Variants in DNAH12 observed in about 807,000 individuals in gnomAD.
The protein encoded by DNAH12 is axonemal beta dynein heavy chain 12.
DNAH12 carries 285 observed loss-of-function variants against 371.5 expected under a neutral mutation model. That is an observed-to-expected ratio of 0.77 (90% CI 0.70 to 0.85). The LOEUF (loss-of-function observed/expected upper bound fraction) is 0.85. DNAH12 is among the 40% of genes least tolerant of loss of function. DNAH12 has a pLI of 0.00. For synonymous variants in DNAH12, 1,200 were observed against 1,213.0 expected (o/e 0.99, Z 0.22); for missense variants, 3,611 against 3,689.4 (o/e 0.98, Z 0.55).
chr3:57,474,357 T>C (rs62258432), intron 13 of DNAH12, among the ~76,000 whole-genome samples: 101,611 of 151,970 alleles, frequency 0.67, 34,217 homozygotes, highest in South Asian at 0.75. Flanking sequence ...AGTGCAATGG[T>C]GCAATTTCGG....
At chr3:57,383,223 T>C (rs1395540780) in intron 49 of DNAH12, among the ~76,000 whole-genome samples, 1 of 152,184 alleles carries the variant, frequency 6.6e-6, no homozygotes, top group Non-Finnish European at 1.5e-5. Context: ...GTAATCCATT[T>C]ATAAAATTCC....
intron 40 of DNAH12, 118 bp downstream of exon 40, chr3:57,408,162 C>G: frequency 1.7e-6 from 2 of 1,186,140 alleles, no homozygotes; most frequent in Non-Finnish European, 2.2e-6. Context: ...ATTCTCTGGT[C>G]TTCTAAACAG....
rs782264460 is a variant in DNAH12, at chr3:57,408,600, T to C, written c.6021-65A>G. The C allele has an allele frequency of 3.1e-4, 427 of 1,389,416 alleles. 1 individual carries two copies. The highest frequency in any genetic ancestry group is 3.5e-4 in the Non-Finnish European group (369 of 1,065,342). The allele number at this position is 1,389,416 out of a possible 1,614,324, so 86.1% of individuals were successfully genotyped here. A position where few individuals can be genotyped will look rare whatever the true frequency, so the allele number is the denominator to read the frequency against. On this transcript the variant is annotated intron_variant, in intron 39 of 73. Transcript: ENST00000495027. Reference sequence around the variant, plus strand: ...AAAGACATTAAGATGGGATGAAATATAGATCTCCCAAGAAATTTAATCAGA... The same window carrying C: ...AAAGACATTAAGATGGGATGAAATACAGATCTCCCAAGAAATTTAATCAGA...
At chr3:57,413,513 A>T (rs2064269930) in intron 39 of DNAH12, among the ~76,000 whole-genome samples, 1 of 152,092 alleles carries the variant, frequency 6.6e-6, no homozygotes. Flanking sequence ...GGATGTTGAG[A>T]TTGAGGAGGC....
At position 57,458,099 on chromosome 3, in the gene DNAH12, C is replaced by G. The variant is rs1184140918; in HGVS notation, c.3053G>C (p.Arg1018Pro). The G allele has an allele frequency of 6.5e-7, 1 of 1,543,748 alleles. No homozygotes were observed. Among genetic ancestry groups the G allele is most frequent in the East Asian group, 2.4e-5 (1 of 40,858 alleles). Reference sequence around the variant, plus strand: ...CAGCACAATTGATTATTTATCATACCGAGGGAAGAAAAGACGTTTCTTTTC... The same window carrying G: ...CAGCACAATTGATTATTTATCATACGGAGGGAAGAAAAGACGTTTCTTTTC... ...YLEKKRLFFP[R>P]FFFLSNDEML... Residue 1018 changes from arginine (R) to proline (P), a missense_variant and splice_region_variant, in exon 21 of 74, where the codon CGT (arginine) becomes CCT (proline). By Grantham distance (103) the Arg-to-Pro change is moderately radical. Around this residue, in one of 3 missense-constraint regions of DNAH12, gnomAD observed 1,314 missense variants for 1,398.7 expected, o/e 0.94. Coordinates refer to ENST00000495027, the MANE Select transcript of DNAH12 (RefSeq NM_001366028.2).
At chr3:57,310,148 A>G (rs1222520442) in intron 67 of DNAH12, among the ~76,000 whole-genome samples, 1 of 152,180 alleles carries the variant, frequency 6.6e-6, no homozygotes, top group Non-Finnish European at 1.5e-5. Flanking sequence ...CTGTATAAAC[A>G]GACCTCAGTC....
At chr3:57,530,398 C>T in intron 2 of DNAH12, 1 of 583,336 alleles carries the variant, frequency 1.7e-6, no homozygotes, top group East Asian at 2.8e-5. Context: ...AACTCCCAGG[C>T]CTCTAGCACA....
chr3:57,460,302 A>C (rs1187548222), intron 19 of DNAH12, among the ~76,000 whole-genome samples: 1 of 152,166 alleles, frequency 6.6e-6, no homozygotes, highest in Non-Finnish European at 1.5e-5. Context: ...AGGTTGAGAA[A>C]TCCTGCTCTA....
At chr3:57,512,344 G>T (rs2068030945) in intron 4 of DNAH12, 1 of 152,198 alleles carries the variant, frequency 6.6e-6, no homozygotes, top group Admixed American at 6.6e-5. Context: ...GGGCTACAGG[G>T]AAGAGGAAAT....
At chr3:57,369,689 A>T (rs1440865749) in intron 55 of DNAH12, among the ~76,000 whole-genome samples, 2 of 152,216 alleles carry the variant, frequency 1.3e-5, no homozygotes, top group African/African-American at 4.8e-5. Flanking sequence ...GAAGTTACCT[A>T]GTAGTTAGAC....
At chr3:57,360,684 T>TAACAACAAC (rs1158640870) in intron 58 of DNAH12, among the ~76,000 whole-genome samples, 1 of 151,094 alleles carries the variant, frequency 6.6e-6, no homozygotes, top group African/African-American at 2.4e-5. Context: ...CGAAACTCTG[T>TAACAACAAC]AACAACAACA....
intron 43 of DNAH12, among the ~76,000 whole-genome samples, chr3:57,397,650 A>T (rs2063773060): frequency 6.6e-6 from 1 of 152,224 alleles, no homozygotes; most frequent in East Asian, 1.9e-4. Flanking sequence ...AATACAACGG[A>T]ATCAGCAACT....
intron 2 of DNAH12, among the ~76,000 whole-genome samples, chr3:57,532,005 A>G (rs2068866879): frequency 6.6e-6 from 1 of 151,992 alleles, no homozygotes; most frequent in South Asian, 2.1e-4. Flanking sequence ...TAGATCTTGT[A>G]GGCATGTTTC....
chr3:57,420,568 C>A (rs111746930), intron 36 of DNAH12, among the ~76,000 whole-genome samples: 2 of 152,114 alleles, frequency 1.3e-5, no homozygotes, highest in African/African-American at 2.4e-5. Flanking sequence ...TAGAGACCTT[C>A]ACCTTCTCTA....
intron 69 of DNAH12, among the ~76,000 whole-genome samples, chr3:57,303,397 T>C (rs2061403466): frequency 6.6e-6 from 1 of 150,626 alleles, no homozygotes; most frequent in Non-Finnish European, 1.5e-5. Flanking sequence ...ATGGAACTTT[T>C]TCTTTCTTTT....
At position 57,446,177 on chromosome 3, in the gene DNAH12, T is replaced by C. The variant is rs1468847194; in HGVS notation, c.4033A>G (p.Ile1345Val). Reference sequence around the variant, plus strand: ...TGAATAGCTCTCTGAATGCAAAGGATCTGTTGAGCTACCACTGACAACACT... The same window carrying C: ...TGAATAGCTCTCTGAATGCAAAGGACCTGTTGAGCTACCACTGACAACACT... ...LEVLSVVAQQ[I>V]LCIQRAIQQK... is the part of the protein sequence containing the mutation. Residue 1345 changes from isoleucine (I) to valine (V), a missense_variant, in exon 27 of 74, where the codon ATC becomes GTC. This residue lies in a region of DNAH12 where 2,266 missense variants were observed against 2,236.9 expected (regional missense o/e 1.01). Transcript: ENST00000495027. The C allele has an allele frequency of 4.5e-6, 7 of 1,551,678 alleles. No homozygotes were observed. In the South Asian group the frequency reaches 4.8e-5, roughly 11 times the overall value.
intron 60 of DNAH12, among the ~76,000 whole-genome samples, chr3:57,337,142 C>A (rs1559565118): frequency 1.3e-5 from 2 of 151,906 alleles, no homozygotes; most frequent in African/African-American, 2.4e-5. Context: ...TAAAAAGTAC[C>A]AAGAGACAAA....
intron 13 of DNAH12, among the ~76,000 whole-genome samples, chr3:57,473,002 T>A (rs2066410549): frequency 6.6e-6 from 1 of 151,240 alleles, no homozygotes; most frequent in East Asian, 1.9e-4. Flanking sequence ...GTCCTTTAAT[T>A]TTGATTTTAA....
chr3:57,447,782 T>G (rs1225825060), intron 25 of DNAH12, among the ~76,000 whole-genome samples: 1 of 152,068 alleles, frequency 6.6e-6, no homozygotes, highest in African/African-American at 2.4e-5. Context: ...CAAGCAACCC[T>G]CCCACCTCAG....
Sources: gnomAD v4.1 joint callset for allele counts (sites outside exome capture counted in the v4.1 genomes callset) on GRCh38, gnomAD v4.1.1 for gene constraint, gnomAD v4.1.1 regional missense constraint, MANE v1.5 for transcripts, NCBI Gene and HGNC (gene_info 2026-07-23, HGNC 2026-07-21) for gene names.